The following PCDH7 variants were observed in gnomAD, a reference collection of about 807,000 sequenced individuals.
PCDH7 encodes the protein protocadherin-7.
A neutral mutation model predicts 58.9 loss-of-function variants in PCDH7; 17 were observed. That is an observed-to-expected ratio of 0.29 (90% CI 0.20 to 0.43). The LOEUF is 0.43. Ranked by LOEUF, PCDH7 falls within the 20% of genes least tolerant of loss-of-function variation. The pLI is 1.00. For synonymous variants in PCDH7, 664 were observed against 616.4 expected, an observed-to-expected ratio of 1.08 and a Z score of -1.14; for missense variants, 1,274 against 1,441.0, an observed-to-expected ratio of 0.88 and a Z score of 1.88.
chr4:30,747,774 G>A (rs1717963098), intron 1 of PCDH7, among the ~76,000 whole-genome samples: 1 of 152,174 alleles, frequency 6.6e-6, no homozygotes, highest in African/African-American at 2.4e-5. Flanking sequence ...CCTGGATTAG[G>A]ATGTGGACAT....
chr4:31,094,333 T>A (rs1441090590), intron 3 of PCDH7, among the ~76,000 whole-genome samples: 1 of 152,108 alleles, frequency 6.6e-6, no homozygotes, highest in Non-Finnish European at 1.5e-5. Context: ...CCCCCATCCA[T>A]TTAGATTTTT....
intron 2 of PCDH7, among the ~76,000 whole-genome samples, chr4:30,944,106 T>C (rs973520261): frequency 6.6e-6 from 1 of 152,084 alleles, no homozygotes; most frequent in African/African-American, 2.4e-5. Context: ...TTCCTGACAA[T>C]ATTAGGATAT....
chr4:30,889,137 C>CAAAAAAAAA (rs371917620), intron 1 of PCDH7, among the ~76,000 whole-genome samples: 3 of 49,994 alleles, frequency 6.0e-5, no homozygotes, highest in Non-Finnish European at 7.8e-5. Context: ...GCAGATATCT[C>CAAAAAAAAA]AAAAAAAAAA....
chr4:31,031,168 A>G (rs1934128040), intron 3 of PCDH7, among the ~76,000 whole-genome samples: 1 of 152,208 alleles, frequency 6.6e-6, no homozygotes, highest in Non-Finnish European at 1.5e-5. Flanking sequence ...TATCAAGCAC[A>G]TATAAAGTGA....
At chr4:31,118,395 C>T (rs1161332813) in intron 3 of PCDH7, among the ~76,000 whole-genome samples, 2 of 152,128 alleles carry the variant, frequency 1.3e-5, no homozygotes, top group African/African-American at 2.4e-5. Context: ...TCCCAACTAA[C>T]ATTTTTTTTA....
intron 3 of PCDH7, among the ~76,000 whole-genome samples, chr4:30,994,269 C>T (rs978366365): frequency 3.3e-5 from 5 of 152,088 alleles, no homozygotes; most frequent in African/African-American, 1.2e-4. Context: ...TAGAATTTAG[C>T]CAGCCATTGG....
At chr4:31,111,833 A>G (rs922523682) in intron 3 of PCDH7, among the ~76,000 whole-genome samples, 3 of 152,188 alleles carry the variant, frequency 2.0e-5, no homozygotes, top group Non-Finnish European at 2.9e-5. Flanking sequence ...CTCTGTTAGT[A>G]TCAACTTTAC....
At chr4:31,042,139 T>A (rs1041542812) in intron 3 of PCDH7, among the ~76,000 whole-genome samples, 1 of 152,170 alleles carries the variant, frequency 6.6e-6, no homozygotes, top group East Asian at 1.9e-4. Flanking sequence ...AGAGCACTCA[T>A]TCATATCATT....
At chr4:31,000,195 T>A (rs941177017) in intron 3 of PCDH7, among the ~76,000 whole-genome samples, 3 of 152,096 alleles carry the variant, frequency 2.0e-5, no homozygotes, top group Admixed American at 2.0e-4. Context: ...AGGGCAAACA[T>A]TTTACAGGAT....
chr4:30,797,210 A>G (rs1724896255), intron 1 of PCDH7, among the ~76,000 whole-genome samples: 1 of 151,844 alleles, frequency 6.6e-6, no homozygotes, highest in Admixed American at 6.6e-5. Context: ...TGCTGGGATT[A>G]CAGGCGTTAG....
intron 3 of PCDH7, among the ~76,000 whole-genome samples, chr4:30,959,268 C>G (rs1454496868): frequency 6.7e-6 from 1 of 150,026 alleles, no homozygotes; most frequent in Non-Finnish European, 1.5e-5. Flanking sequence ...TTAAGCCAAA[C>G]ATTTATTGTA....
At chr4:31,111,586 G>A (rs1716327663) in intron 3 of PCDH7, among the ~76,000 whole-genome samples, 1 of 151,854 alleles carries the variant, frequency 6.6e-6, no homozygotes, top group Non-Finnish European at 1.5e-5. Flanking sequence ...TTTCATGTGT[G>A]GATATAATCT....
intron 1 of PCDH7, among the ~76,000 whole-genome samples, chr4:30,896,818 T>C (rs556127391): frequency 2.0e-5 from 3 of 150,094 alleles, no homozygotes; most frequent in South Asian, 2.1e-4. Flanking sequence ...TGCACATACA[T>C]GGACACCAGC....
intron 1 of PCDH7, among the ~76,000 whole-genome samples, chr4:30,793,025 A>G (rs189572545): frequency 6.6e-6 from 1 of 152,320 alleles, no homozygotes; most frequent in Non-Finnish European, 1.5e-5. Context: ...TAAAAATTAC[A>G]TGTTAAGAAA....
rs527244573 is a variant in PCDH7, at chr4:30,896,490, C to G, written c.71-23663C>G. ...TATAAAAGTTATAAAGTATCTTATA[C>G]TTTGAATATACAGTACAAACCTCAT... On this transcript the variant is annotated intron_variant, in intron 1 of 3. Transcript: ENST00000509759. Among the ~76,000 whole-genome samples the G allele has an allele frequency of 9.9e-5, 15 of 152,120 alleles. No individual in the cohort carries two copies. In the East Asian group the frequency reaches 2.9e-3, roughly 29 times the overall value.
In PCDH7 at chr4:30,723,398, G is replaced by A; in HGVS notation, c.1976G>A (p.Gly659Glu). 1.2e-6 allele frequency: 2 copies of A among 1,614,210 alleles called. No homozygotes were observed. The highest frequency in any genetic ancestry group is 1.7e-6 in the Non-Finnish European group (2 of 1,180,048). ...AACTTGCAGCCCAACAGCCCTGTGG[G>A]GATGGTCACCGTGATGGATGCTGAC... Residue 659 changes from glycine (G) to glutamate (E), a missense_variant, in exon 1 of 2, where the codon GGG becomes GAG. By Grantham distance (98) the Gly-to-Glu change is moderately conservative. This residue lies in a region of PCDH7 where 731 missense variants were observed against 881.9 expected (regional missense o/e 0.83). Coordinates refer to ENST00000361762, the Ensembl canonical transcript of PCDH7. This position sits in a 1 kb window ranked among gnomAD's most constrained non-coding sequence, Gnocchi z 4.6.
At chr4:31,108,748 C>T (rs1457663861) in intron 3 of PCDH7, among the ~76,000 whole-genome samples, 1 of 151,526 alleles carries the variant, frequency 6.6e-6, no homozygotes, top group Admixed American at 6.6e-5. Context: ...TTTTTTTTCA[C>T]AACTACACAT....
intron 3 of PCDH7, among the ~76,000 whole-genome samples, chr4:31,107,202 G>C (rs997764183): frequency 1.7e-4 from 26 of 152,052 alleles, no homozygotes; most frequent in African/African-American, 6.3e-4. Flanking sequence ...TTATAACTAA[G>C]TACTATGATA....
At chr4:31,064,896 T>G (rs528418537) in intron 3 of PCDH7, among the ~76,000 whole-genome samples, 2 of 152,092 alleles carry the variant, frequency 1.3e-5, no homozygotes, top group Non-Finnish European at 2.9e-5. Flanking sequence ...AACTAGAATT[T>G]TAGTTCATAT....
Sources: gnomAD v4.1 joint callset for allele counts (sites outside exome capture counted in the v4.1 genomes callset) on GRCh38, gnomAD v4.1.1 for gene constraint, gnomAD v4.1.1 regional missense constraint, Gnocchi (gnomAD v3.1) non-coding constraint, MANE v1.5 for transcripts, NCBI Gene and HGNC (gene_info 2026-07-23, HGNC 2026-07-21) for gene names.